The following MAP3K6 variants were observed in gnomAD, a reference collection of about 807,000 sequenced individuals.
MAP3K6 encodes the protein apoptosis signal-regulating kinase 2.
A neutral mutation model predicts 147.1 loss-of-function variants in MAP3K6; 105 were observed. The observed-to-expected ratio is 0.71, with a 90% CI of 0.61 to 0.84. The LOEUF is 0.84. Ranked by LOEUF, MAP3K6 falls within the 40% of genes least tolerant of loss-of-function variation. MAP3K6 has a pLI of 0.00. For synonymous variants in MAP3K6, 695 were observed against 732.4 expected, an observed-to-expected ratio of 0.95 and a Z score of 0.82; for missense variants, 1,569 against 1,715.0, an observed-to-expected ratio of 0.91 and a Z score of 1.50.
At position 27,361,690 on chromosome 1, in the gene MAP3K6, C is replaced by G. The variant is rs758208089; in HGVS notation, c.1578+15G>C. ...CTTACCCCTTTCCCGGGTCCACCAC[C>G]CCTACAGGCCTCACCAAGCACTGGT... On this transcript the variant is annotated intron_variant, in intron 10 of 28. Transcript: ENST00000357582. 2 of 1,613,706 alleles carry G rather than the reference C, an allele frequency of 1.2e-6. No homozygotes were observed. The highest frequency in any genetic ancestry group is 2.7e-5 in the African/African-American group (2 of 74,934).
At chr1:27,365,618 C>T (rs1022729318) in intron 1 of MAP3K6, among the ~76,000 whole-genome samples, 1 of 152,012 alleles carries the variant, frequency 6.6e-6, no homozygotes, top group Non-Finnish European at 1.5e-5. Context: ...GGCCCCGCCC[C>T]TGAGCCATCC....
rs746388275 is a variant in MAP3K6, at chr1:27,360,860, G to A, written c.1921-22C>T. ...CAAACTGCCGGGCGCGGGGTGAGATGGGAGTTCAGCAGGGCCCGCGGCCCC... is the reference window on the plus strand; with the variant it reads ...CAAACTGCCGGGCGCGGGGTGAGATAGGAGTTCAGCAGGGCCCGCGGCCCC... On this transcript the variant is annotated intron_variant, in intron 14 of 28. Transcript: ENST00000357582. This position sits in a 1 kb window ranked among gnomAD's most constrained non-coding sequence, Gnocchi z 4.5. 1.0e-4 allele frequency: 165 copies of A among 1,612,136 alleles called. No homozygotes were observed. The highest frequency in any genetic ancestry group is 1.3e-4 in the Non-Finnish European group (148 of 1,179,652).
Position 27,364,525 on chromosome 1 carries a change from G to A in MAP3K6, c.505-131C>T, listed in dbSNP as rs1370851658. On this transcript the variant is annotated intron_variant, in intron 3 of 28. Transcript: ENST00000357582. This position sits in a 1 kb window ranked among gnomAD's most constrained non-coding sequence, Gnocchi z 4.4. ...GAAAGGGGCACCCGTCATGAGAGGA[G>A]GCAACAGGAAACAGAGGAATACTTG... 1 of 1,539,802 alleles carries A rather than the reference G, an allele frequency of 6.5e-7. No homozygotes were observed. The highest frequency in any genetic ancestry group is 1.7e-5 in the Admixed American group (1 of 59,424).
rs1174990679 is a variant in MAP3K6, at chr1:27,363,035, G to A, written c.972-14C>T. The A allele has an allele frequency of 1.9e-6, 3 of 1,610,122 alleles. No individual in the cohort carries two copies. The highest frequency in any genetic ancestry group is 2.5e-6 in the Non-Finnish European group (3 of 1,178,294). On this transcript the variant is annotated splice_polypyrimidine_tract_variant and intron_variant, in intron 6 of 28. Transcript: ENST00000357582. ...GGCCTGTTCCTCCTAGGGAAAAGAT[G>A]GGCTCAGGCCCTCCCTGATGGCCCT...
chr1:27,366,543 C>A lies in MAP3K6; in HGVS notation c.55G>T (p.Asp19Tyr). ...CGGCTCAGCGCCACGGCCAGCGGGTCCTGCCAGCAGCTGCCGGCGCGCTCC... is the reference window on the plus strand; with the variant it reads ...CGGCTCAGCGCCACGGCCAGCGGGTACTGCCAGCAGCTGCCGGCGCGCTCC... Reference protein sequence around the residue: ...GAERAGSCWQDPLAVALSRGR... With the variant: ...GAERAGSCWQYPLAVALSRGR... The change falls in exon 1 of 29, where the codon GAC (aspartate) becomes TAC (tyrosine). Residue 19 changes from aspartate to tyrosine, a missense_variant. Asp to Tyr is a radical substitution (Grantham distance 160). Coordinates refer to ENST00000357582, the MANE Select transcript of MAP3K6 (RefSeq NM_004672.5). The surrounding 1 kb of genome is among the most constrained non-coding windows in gnomAD (Gnocchi z 5.5). 9.1e-7 allele frequency: 1 copy of A among 1,102,634 alleles called. No homozygotes were observed. The highest frequency in any genetic ancestry group is 4.3e-5 in the South Asian group (1 of 23,060). 68.3% of individuals were successfully genotyped at this position (1,102,634 alleles called of 1,614,324 possible).
chr1:27,366,043 G>A lies in MAP3K6; in HGVS notation c.340+215C>T, dbSNP rs1571080977. Among the ~76,000 whole-genome samples, 1 of 149,940 alleles carries A rather than the reference G, an allele frequency of 6.7e-6. No homozygotes were observed. Among genetic ancestry groups the A allele is most frequent in the African/African-American group, 2.5e-5 (1 of 40,712 alleles). Reference sequence around the variant, plus strand: ...AACCTCGAGCCCTAGAGCCGCGCCCGGATCCCTGTCTCGTCCCGAGCCCGG... The same window carrying A: ...AACCTCGAGCCCTAGAGCCGCGCCCAGATCCCTGTCTCGTCCCGAGCCCGG... On this transcript the variant is annotated intron_variant, in intron 1 of 28. Transcript: ENST00000357582. This position sits in a 1 kb window ranked among gnomAD's most constrained non-coding sequence, Gnocchi z 5.5.
At chr1:27,356,538 G>T in intron 25 of MAP3K6, 38 bp from the exon 26 acceptor site, 2 of 1,611,640 alleles carry the variant, frequency 1.2e-6, no homozygotes, top group Non-Finnish European at 8.5e-7. Context: ...GCGGTGAGTG[G>T]TGAGTGGGTT....
At chr1:27,363,850 G>T in intron 5 of MAP3K6, 67 bp downstream of exon 5, 1 of 1,438,660 alleles carries the variant, frequency 7.0e-7, no homozygotes, top group Non-Finnish European at 9.2e-7. Context: ...GCCCAGCCAG[G>T]AACTGAACTT....
Position 27,361,638 on chromosome 1 carries a change from T to C in MAP3K6, c.1579-11A>G, listed in dbSNP as rs995314906. The C allele has an allele frequency of 7.4e-6, 12 of 1,613,998 alleles. No individual in the cohort carries two copies. The highest frequency in any genetic ancestry group is 5.0e-5 in the Admixed American group (3 of 59,996). ...CTCCAGGACCAGCACCTGCAGGCAG[T>C]TGGGGAGTGGGGTCAGTCAGAAGGG... On this transcript the variant is annotated splice_polypyrimidine_tract_variant and intron_variant, in intron 10 of 28. Transcript: ENST00000357582.
rs2016003430 is a variant in MAP3K6 at position 27,366,732 on chromosome 1, G to A, written c.-135C>T. 4 of 610,042 alleles carry A rather than the reference G, an allele frequency of 6.6e-6. No homozygotes were observed. The highest frequency in any genetic ancestry group is 8.3e-6 in the Non-Finnish European group (4 of 483,276). The allele number at this position is 610,042 out of a possible 1,614,324, so 37.8% of individuals were successfully genotyped here. On this transcript the variant is annotated 5_prime_UTR_variant, in exon 1 of 29. Coordinates refer to ENST00000357582, the MANE Select transcript of MAP3K6 (RefSeq NM_004672.5). The surrounding 1 kb of genome is among the most constrained non-coding windows in gnomAD (Gnocchi z 5.5). ...AATCTCCCACGGGATCTAGGGATCC[G>A]GAATACGGCCTGACGTCCCGTTCCA...
intron 6 of MAP3K6, 52 bp from the exon 7 acceptor site, chr1:27,363,073 C>G: frequency 1.3e-6 from 2 of 1,529,530 alleles, no homozygotes; most frequent in Non-Finnish European, 1.8e-6. Flanking sequence ...CCTACTCTGT[C>G]CAGGGACCTC....
intron 6 of MAP3K6, 64 bp downstream of exon 6, chr1:27,363,378 C>A: frequency 2.2e-6 from 3 of 1,372,620 alleles, no homozygotes; most frequent in Admixed American, 4.4e-5. Flanking sequence ...TGGCTTTGCA[C>A]GCAGAGACCT....
At position 27,362,209 on chromosome 1, in the gene MAP3K6, C is replaced by T. The variant is rs773374783; in HGVS notation, c.1297G>A (p.Glu433Lys). The change falls in exon 9 of 29, where the codon GAG becomes AAG. Residue 433 changes from glutamate (E) to lysine (K), a missense_variant. Physicochemically the swap from Glu to Lys is moderately conservative, Grantham distance 56. Transcript: ENST00000357582. ...GCLLARKGCVEKMQYYWDVGF... is the reference protein window; with the variant it reads ...GCLLARKGCVKKMQYYWDVGF... ...ACATCCCAGTAATACTGCATCTTCT[C>T]CACGCAGCCTTTGCGGGCCAGCAGG... 1 of 1,613,352 alleles carries T rather than the reference C, an allele frequency of 6.2e-7. No individual in the cohort carries two copies. The highest frequency in any genetic ancestry group is 8.5e-7 in the Non-Finnish European group (1 of 1,179,898).
Position 27,355,738 on chromosome 1 carries a change from T to C in MAP3K6, c.3719A>G (p.Asn1240Ser). The C allele has an allele frequency of 1.2e-5, 20 of 1,613,864 alleles. No homozygotes were observed. Among genetic ancestry groups the C allele is most frequent in the Non-Finnish European group, 1.7e-5 (20 of 1,179,948 alleles). The change falls in exon 28 of 29, where the codon AAC becomes AGC. Residue 1240 changes from asparagine to serine, a missense_variant. Coordinates refer to ENST00000357582, the MANE Select transcript of MAP3K6 (RefSeq NM_004672.5). ...CAGAGTGTGGAGGGTGAAGCTATGG[T>C]TCAACAGCTGGATGTGGTCAAAGAC... is the stretch of plus-strand genomic sequence containing the variant. Reference protein sequence around the residue: ...VDSGTIQMLLNHSFTLHTLLT... With the variant: ...VDSGTIQMLLSHSFTLHTLLT...
chr1:27,357,716 C>T lies in MAP3K6; in HGVS notation c.3076G>A (p.Glu1026Lys). The change falls in exon 22 of 29, where the codon GAG becomes AAG. Residue 1026 changes from glutamate (E) to lysine (K), a missense_variant. Glu to Lys is a moderately conservative substitution (Grantham distance 56). Transcript: ENST00000357582. ...AENLHQEQKQ[E>K]QGARLGRNHV... ...CGCTAGAGTGGGCCGCCCACCTGCT[C>T]TTGCTTCTGCTCCTGGTGCAGATTC... 3 of 1,610,986 alleles carry T rather than the reference C, an allele frequency of 1.9e-6. No homozygotes were observed. The highest frequency in any genetic ancestry group is 2.5e-6 in the Non-Finnish European group (3 of 1,179,830).
chr1:27,357,774 T>A lies in MAP3K6; in HGVS notation c.3018A>T (p.Ala1006=). 1 of 1,611,066 alleles carries A rather than the reference T, an allele frequency of 6.2e-7. No homozygotes were observed. The highest frequency in any genetic ancestry group is 8.5e-7 in the Non-Finnish European group (1 of 1,179,502). Reference sequence around the variant, plus strand: ...GCGCTGGCAGCTCCTGCTCCAATACTGCGGCCAGCATGGCCCGACGCTTGC... The same window carrying A: ...GCGCTGGCAGCTCCTGCTCCAATACAGCGGCCAGCATGGCCCGACGCTTGC... ...QESKRRAMLA[A]VLEQELPALA... is the part of the protein sequence containing the mutation. The change falls in exon 22 of 29, where the codon GCA becomes GCT. Residue 1006 remains alanine (A), a synonymous_variant. Coordinates refer to ENST00000357582, the MANE Select transcript of MAP3K6 (RefSeq NM_004672.5).
chr1:27,357,133 G>C lies in MAP3K6; in HGVS notation c.3259-19C>G. The stretch of plus-strand genomic sequence containing the variant: ...GCTTCACCTGCAGGGGGAGGGAGGC[G>C]CCGCTGAGACAGCTGAGCCTCAACT... On this transcript the variant is annotated intron_variant, in intron 23 of 28. Coordinates refer to ENST00000357582, the MANE Select transcript of MAP3K6 (RefSeq NM_004672.5). 1 of 1,596,486 alleles carries C rather than the reference G, an allele frequency of 6.3e-7. No homozygotes were observed. Among genetic ancestry groups the C allele is most frequent in the Non-Finnish European group, 8.6e-7 (1 of 1,164,284 alleles).
Position 27,358,146 on chromosome 1 carries a change from G to T in MAP3K6, c.2915+35C>A. ...GGAGAGGAGAAAAAGGCAAAACCAG[G>T]CAAAAGGAACCCATCCCAGGAGCCT... On this transcript the variant is annotated intron_variant, in intron 21 of 28. Transcript: ENST00000357582. This position sits in a 1 kb window ranked among gnomAD's most constrained non-coding sequence, Gnocchi z 6.2. 1 of 1,546,880 alleles carries T rather than the reference G, an allele frequency of 6.5e-7. No homozygotes were observed. The highest frequency in any genetic ancestry group is 1.2e-5 in the South Asian group (1 of 81,866).
chr1:27,356,649 G>C lies in MAP3K6; in HGVS notation c.3465C>G (p.Pro1155=), dbSNP rs558857356. The change falls in exon 25 of 29, where the codon CCC becomes CCG. Residue 1155 remains proline (P), a synonymous_variant. Coordinates refer to ENST00000357582, the MANE Select transcript of MAP3K6 (RefSeq NM_004672.5). The part of the protein sequence containing the change: ...PGQQSPLPVE[P]EQGPAPLMVQ... ...CCATCAGAGGAGCGGGGCCCTGCTCGGGCTCCACCGGAAGCGGGCTCTGCT... is the reference window on the plus strand; with the variant it reads ...CCATCAGAGGAGCGGGGCCCTGCTCCGGCTCCACCGGAAGCGGGCTCTGCT... The C allele has an allele frequency of 1.9e-6, 3 of 1,612,078 alleles. No homozygotes were observed. Among genetic ancestry groups the C allele is most frequent in the Admixed American group, 1.7e-5 (1 of 59,660 alleles).
Sources: gnomAD v4.1 joint callset for allele counts (sites outside exome capture counted in the v4.1 genomes callset) on GRCh38, gnomAD v4.1.1 for gene constraint, Gnocchi (gnomAD v3.1) non-coding constraint, MANE v1.5 for transcripts, NCBI Gene and HGNC (gene_info 2026-07-23, HGNC 2026-07-21) for gene names.